Variants in ERC2 observed in about 807,000 individuals in gnomAD.
ERC2 encodes the protein ERC protein 2.
ERC2 carries 42 observed loss-of-function variants against 114.8 expected under a neutral mutation model. That is an observed-to-expected ratio of 0.37 (90% confidence interval 0.29 to 0.47). ERC2 has a LOEUF of 0.47. ERC2 is among the 20% of genes least tolerant of loss of function. The probability of loss-of-function intolerance (pLI) is 0.99; values close to 1 mark genes in which losing one functional copy is unlikely to be tolerated. For synonymous variants in ERC2, 454 were observed against 425.5 expected (o/e 1.07, Z -0.82); for missense variants, 939 against 1,150.7 (o/e 0.82, Z 2.66).
Position 55,549,930 on chromosome 3 carries a change from A to AAG in ERC2, c.*40-38656_*40-38655dup, listed in dbSNP as rs372694701. ...CCCAACCCCCCTCCCCGACACACAC[A>AAG]AGAGAGAGAGAGAGAGAGAGAGAGA... On this transcript the variant is annotated intron_variant, in intron 17 of 17. Coordinates refer to ENST00000288221, the MANE Select transcript of ERC2 (RefSeq NM_015576.3). Among the ~76,000 whole-genome samples, 641 of 94,106 alleles carry AAG rather than the reference A, an allele frequency of 6.8e-3. 3 individuals are homozygous for AAG. The highest frequency in any genetic ancestry group is 0.019 in the Middle Eastern group (4 of 216). 61.7% of individuals were successfully genotyped at this position (94,106 alleles called of 152,430 possible). A position where few individuals can be genotyped will look rare whatever the true frequency, so the allele number is the denominator to read the frequency against.
intron 2 of ERC2, among the ~76,000 whole-genome samples, chr3:56,363,912 G>C (rs947435648): frequency 1.3e-5 from 2 of 150,824 alleles, no homozygotes; most frequent in African/African-American, 2.4e-5. Flanking sequence ...AAGGGAAGGA[G>C]GGTAGGAAGG....
chr3:56,308,692 G>T (rs1026557768), intron 2 of ERC2, among the ~76,000 whole-genome samples: 43 of 152,064 alleles, frequency 2.8e-4, no homozygotes, highest in African/African-American at 9.9e-4. Flanking sequence ...AAACAAAAAT[G>T]ATAAAGTTTT....
chr3:55,535,014 C>T (rs533248099), intron 17 of ERC2, among the ~76,000 whole-genome samples: 1 of 152,302 alleles, frequency 6.6e-6, no homozygotes, highest in East Asian at 1.9e-4. Flanking sequence ...ACAAGTCACT[C>T]GACCATCAAC....
At chr3:56,244,476 G>A (rs1233845553) in intron 3 of ERC2, among the ~76,000 whole-genome samples, 1 of 152,130 alleles carries the variant, frequency 6.6e-6, no homozygotes, top group African/African-American at 2.4e-5. Context: ...CATCATAGGA[G>A]ATGACAGCTC....
chr3:55,558,945 C>T (rs1333171698), intron 17 of ERC2, among the ~76,000 whole-genome samples: 1 of 152,154 alleles, frequency 6.6e-6, no homozygotes. Flanking sequence ...TGCAGGGAGG[C>T]ATTAGTATTT....
At chr3:56,001,590 G>A (rs1018521764) in intron 10 of ERC2, among the ~76,000 whole-genome samples, 4 of 152,130 alleles carry the variant, frequency 2.6e-5, no homozygotes, top group South Asian at 2.1e-4. Context: ...TATTAGAGAC[G>A]CACCACTGGG....
At chr3:55,974,436 C>G (rs2069419254) in intron 12 of ERC2, among the ~76,000 whole-genome samples, 1 of 152,200 alleles carries the variant, frequency 6.6e-6, no homozygotes, top group South Asian at 2.1e-4. Context: ...CATCATATAT[C>G]AAAACAAAGG....
chr3:55,657,886 C>T (rs916321293), intron 17 of ERC2: 11 of 152,138 alleles, frequency 7.2e-5, no homozygotes, highest in Admixed American at 1.3e-4. Flanking sequence ...TGAGGAGTGT[C>T]TGAAATGTCT....
At chr3:55,728,394 G>A (rs187277691) in intron 15 of ERC2, among the ~76,000 whole-genome samples, 1 of 152,284 alleles carries the variant, frequency 6.6e-6, no homozygotes, top group East Asian at 1.9e-4. Context: ...ACCCAATTGA[G>A]CAAGTCCCAG....
At chr3:56,254,771 G>A (rs1285948404) in intron 3 of ERC2, among the ~76,000 whole-genome samples, 1 of 152,042 alleles carries the variant, frequency 6.6e-6, no homozygotes, top group Non-Finnish European at 1.5e-5. Flanking sequence ...TAAAATGTGG[G>A]ATAACAATAG....
intron 14 of ERC2, among the ~76,000 whole-genome samples, chr3:55,783,862 C>A (rs2069264291): frequency 6.6e-6 from 1 of 152,190 alleles, no homozygotes; most frequent in Non-Finnish European, 1.5e-5. Context: ...AACCAAGAAA[C>A]CAGGGTTAGC....
At chr3:55,879,184 A>G (rs72879150) in intron 14 of ERC2, among the ~76,000 whole-genome samples, 237 of 141,080 alleles carry the variant, frequency 1.7e-3, no homozygotes, top group African/African-American at 6.2e-3. Flanking sequence ...CCTAAGTTTC[A>G]TCTACGTGAC....
In ERC2 at chr3:56,233,888, G is replaced by A. The variant is rs77626353; in HGVS notation, c.1075-60368C>T. On this transcript the variant is annotated intron_variant, in intron 3 of 17. Coordinates refer to ENST00000288221, the MANE Select transcript of ERC2 (RefSeq NM_015576.3). ...CTCCTTCTCTGACTCCAACCCTCTT[G>A]CCTCACTCTTCACTTTTAAGGAACC... 4.6e-3 allele frequency among the ~76,000 whole-genome samples: 702 copies of A among 152,104 alleles called. 8 individuals are homozygous for A. Among genetic ancestry groups the A allele is most frequent in the African/African-American group, 0.016 (646 of 41,496 alleles).
At chr3:56,338,505 T>C (rs1348106564) in intron 2 of ERC2, among the ~76,000 whole-genome samples, 1 of 152,186 alleles carries the variant, frequency 6.6e-6, no homozygotes, top group Admixed American at 6.5e-5. Context: ...CACCTGCAAT[T>C]GCCTTCATAG....
At chr3:56,163,528 C>G (rs2082165745) in intron 4 of ERC2, among the ~76,000 whole-genome samples, 1 of 151,984 alleles carries the variant, frequency 6.6e-6, no homozygotes, top group Non-Finnish European at 1.5e-5. Flanking sequence ...CTTACAAATT[C>G]ATATTTTTGA....
chr3:55,748,811 T>C (rs2148960093), intron 14 of ERC2, among the ~76,000 whole-genome samples: 1 of 152,286 alleles, frequency 6.6e-6, no homozygotes, highest in Middle Eastern at 3.4e-3. Flanking sequence ...TGAAACCTCA[T>C]AGTCATAGCT....
At chr3:56,307,286 T>C (rs1364564353) in intron 2 of ERC2, among the ~76,000 whole-genome samples, 1 of 152,244 alleles carries the variant, frequency 6.6e-6, no homozygotes, top group Non-Finnish European at 1.5e-5. Context: ...ATGTATATAT[T>C]TTTTGCCTTT....
intron 2 of ERC2, among the ~76,000 whole-genome samples, chr3:56,304,672 A>G (rs1190864269): frequency 6.6e-6 from 1 of 152,228 alleles, no homozygotes; most frequent in Admixed American, 6.5e-5. Flanking sequence ...ATCATGCCCA[A>G]GATGTGTTTC....
chr3:56,069,015 T>C (rs1048226470), intron 7 of ERC2, among the ~76,000 whole-genome samples: 3 of 152,210 alleles, frequency 2.0e-5, no homozygotes, highest in Admixed American at 2.0e-4. Context: ...ATATATTCTG[T>C]TGTTTTGGGG....
Sources: allele counts gnomAD v4.1 joint callset (sites outside exome capture counted in the v4.1 genomes callset), GRCh38; gene constraint gnomAD v4.1.1; transcripts MANE v1.5; gene names NCBI Gene and HGNC (gene_info 2026-07-23, HGNC 2026-07-21).